GMIP: variants seen among roughly 807,000 people sequenced by gnomAD.
GMIP encodes GEM interacting protein.
In GMIP, 54 loss-of-function variants were observed where a neutral mutation model predicts 105.3. That is an observed-to-expected ratio of 0.51 (90% CI 0.41 to 0.64). The LOEUF (loss-of-function observed/expected upper bound fraction) is 0.64, where lower values mean the gene tolerates loss of function less well. GMIP is among the 30% of genes least tolerant of loss of function. The probability of loss-of-function intolerance (pLI) is 0.00; values close to 1 mark genes in which losing one functional copy is unlikely to be tolerated. For missense variants in GMIP, 1,110 were observed against 1,319.4 expected (o/e 0.84, Z 2.46); for synonymous variants, 541 against 560.8 (o/e 0.96, Z 0.50).
At chr19:19,639,193 C>T (rs2144866042) in intron 7 of GMIP, among the ~76,000 whole-genome samples, 1 of 152,154 alleles carries the variant, frequency 6.6e-6, no homozygotes, top group East Asian at 1.9e-4. Flanking sequence ...CCCTCAGCCT[C>T]CTAGTAGCTA....
At chr19:19,638,778 C>CTT (rs554304896) in intron 7 of GMIP, among the ~76,000 whole-genome samples, 12 of 132,288 alleles carry the variant, frequency 9.1e-5, no homozygotes, top group South Asian at 2.4e-4. Flanking sequence ...ACAATTTCTT[C>CTT]TTTTTTTTTT....
rs757223620 is a variant in GMIP, at chr19:19,634,500, T to C, written c.2084+7A>G. On this transcript the variant is annotated splice_region_variant and intron_variant, in intron 18 of 20. Transcript: ENST00000203556. This position sits in a 1 kb window ranked among gnomAD's most constrained non-coding sequence, Gnocchi z 6.1. ...TCGCGTTTCAAGGCTCAGGGACCCA[T>C]GCACACCTGAACAGATGGGCCACCA... is the stretch of plus-strand genomic sequence containing the variant. The C allele has an allele frequency of 2.5e-6, 4 of 1,602,830 alleles. No homozygotes were observed. Among genetic ancestry groups the C allele is most frequent in the South Asian group, 2.2e-5 (2 of 89,596 alleles).
rs779757393 is a variant in GMIP, at chr19:19,630,289, C to T, written c.2587G>A (p.Gly863Ser). ...TTCACTGGCTGGCGGCTGAAGTGGC[C>T]ACGAGACTGTGTCCCCAGGAGTGAG... ...EDSLLGTQSR[G>S]HFSRQPVKYP... The change falls in exon 21 of 21, where the codon GGC (glycine) becomes AGC (serine). Residue 863 changes from glycine (G) to serine (S), a missense_variant. Around this residue, in one of 3 missense-constraint regions of GMIP, gnomAD observed 394 missense variants for 450.5 expected, o/e 0.87. Coordinates refer to ENST00000203556, the MANE Select transcript of GMIP (RefSeq NM_016573.4). This position sits in a 1 kb window ranked among gnomAD's most constrained non-coding sequence, Gnocchi z 4.8. 12 of 1,546,252 alleles carry T rather than the reference C, an allele frequency of 7.8e-6. No individual in the cohort carries two copies. The highest frequency in any genetic ancestry group is 1.0e-5 in the Non-Finnish European group (12 of 1,144,438).
chr19:19,636,203 C>CAA (rs771568731), intron 13 of GMIP, among the ~76,000 whole-genome samples: 5 of 100,284 alleles, frequency 5.0e-5, no homozygotes, highest in African/African-American at 7.7e-5. Context: ...GACTCTGTCT[C>CAA]AAAAAAAAAA....
chr19:19,638,464 T>G lies in GMIP; in HGVS notation c.556A>C (p.Thr186Pro). The G allele has an allele frequency of 6.2e-7, 1 of 1,614,068 alleles. No homozygotes were observed. The highest frequency in any genetic ancestry group is 8.5e-7 in the Non-Finnish European group (1 of 1,180,008). ...DYYQPLAAKR[T>P]EIEKWRKEFK... Reference sequence around the variant, plus strand: ...TCCTTCCGCCACTTCTCAATCTCAGTCCGTTTGGCGGCGAGGGGCTGGCAA... The same window carrying G: ...TCCTTCCGCCACTTCTCAATCTCAGGCCGTTTGGCGGCGAGGGGCTGGCAA... Residue 186 changes from threonine (T) to proline (P), a missense_variant, in exon 8 of 21, where the codon ACT (threonine) becomes CCT (proline). Transcript: ENST00000203556.
Position 19,634,100 on chromosome 19 carries a change from C to A in GMIP, c.2175G>T (p.Pro725=), listed in dbSNP as rs45521232. Residue 725 remains proline (P), a synonymous_variant, in exon 19 of 21, where the codon CCG becomes CCT. Transcript: ENST00000203556. The surrounding 1 kb of genome is among the most constrained non-coding windows in gnomAD (Gnocchi z 6.1). ...GPTLLRPPDG[P]RAASAIPVTC... ...TGACAGGGATGGCGCTGGCTGCCCG[C>A]GGGCCGTCCGGCGGCCGCAGCAGTG... is the stretch of plus-strand genomic sequence containing the variant. 0.018 allele frequency: 28,504 copies of A among 1,612,870 alleles called. 315 individuals carry two copies. Among genetic ancestry groups the A allele is most frequent in the Non-Finnish European group, 0.021 (25,136 of 1,179,708 alleles).
chr19:19,642,449 T>A, intron 2 of GMIP, 86 bp downstream of exon 2: 1 of 795,412 alleles, frequency 1.3e-6, no homozygotes, highest in Non-Finnish European at 2.2e-6. Context: ...ATGTTACAGG[T>A]TCCAAATGGG....
Position 19,640,458 on chromosome 19 carries a change from T to C in GMIP, c.352A>G (p.Arg118Gly). The change falls in exon 5 of 21, where the codon AGA becomes GGA. Residue 118 changes from arginine (R) to glycine (G), a missense_variant. Arg to Gly is a moderately radical substitution (Grantham distance 125). This residue lies in a region of GMIP where 667 missense variants were observed against 773.2 expected (regional missense o/e 0.86). Transcript: ENST00000203556. ...AKELLAWTEKRASYELEFAKS... is the reference protein window; with the variant it reads ...AKELLAWTEKGASYELEFAKS... ...AAGAGGTCCTCACCATAGCTGGCTC[T>C]CTTTTCAGTCCAGGCAAGCAGTTCC... The C allele has an allele frequency of 6.2e-7, 1 of 1,614,160 alleles. No homozygotes were observed. The highest frequency in any genetic ancestry group is 8.5e-7 in the Non-Finnish European group (1 of 1,180,034).
Position 19,635,330 on chromosome 19 carries a change from A to C in GMIP, c.1560+85T>G, listed in dbSNP as rs2061842168. 1 of 1,552,214 alleles carries C rather than the reference A, an allele frequency of 6.4e-7. No individual in the cohort carries two copies. Among genetic ancestry groups the C allele is most frequent in the Admixed American group, 1.7e-5 (1 of 57,338 alleles). ...GAGACATCAGGTTAGGGTGGGTCCC[A>C]GGGGCAGAAAGGCTGTAGGAATCTC... On this transcript the variant is annotated intron_variant, in intron 15 of 20. Transcript: ENST00000203556. The surrounding 1 kb of genome is among the most constrained non-coding windows in gnomAD (Gnocchi z 4.7).
In GMIP at chr19:19,630,065, G is replaced by C. The variant is rs1461199077; in HGVS notation, c.2811C>G (p.Thr937=). The C allele has an allele frequency of 6.2e-7, 1 of 1,610,376 alleles. No individual in the cohort carries two copies. Among genetic ancestry groups the C allele is most frequent in the African/African-American group, 1.3e-5 (1 of 75,006 alleles). ...RTPLPKHFEI[T]QETARLLSKL... is the part of the protein sequence containing the mutation. ...TCGAGAGTAGCCGGGCTGTCTCCTG[G>C]GTAATCTCAAAATGCTTGGGCAGCG... Residue 937 remains threonine, a synonymous_variant, in exon 21 of 21, where the codon ACC becomes ACG. Transcript: ENST00000203556. This position sits in a 1 kb window ranked among gnomAD's most constrained non-coding sequence, Gnocchi z 4.8.
In GMIP at chr19:19,643,571, T is replaced by C; in HGVS notation, c.-42A>G. 1 of 1,515,088 alleles carries C rather than the reference T, an allele frequency of 6.6e-7. No individual in the cohort carries two copies. Among genetic ancestry groups the C allele is most frequent in the African/African-American group, 1.4e-5 (1 of 70,040 alleles). The allele number at this position is 1,515,088 out of a possible 1,614,324, so 93.9% of individuals were successfully genotyped here. On this transcript the variant is annotated 5_prime_UTR_variant, in exon 1 of 21. Coordinates refer to ENST00000203556, the MANE Select transcript of GMIP (RefSeq NM_016573.4). ...CGCTCTGCAGGGACCGGGATGGGGATGGGGTCGCGCGCCGGCGGGGCCGAG... is the reference window on the plus strand; with the variant it reads ...CGCTCTGCAGGGACCGGGATGGGGACGGGGTCGCGCGCCGGCGGGGCCGAG...
At chr19:19,636,158 C>T (rs1338957468) in intron 13 of GMIP, among the ~76,000 whole-genome samples, 3 of 149,056 alleles carry the variant, frequency 2.0e-5, no homozygotes, top group Admixed American at 6.8e-5. Flanking sequence ...GAGCCAAGAT[C>T]GTACCACTGC....
rs2061842349 is a variant in GMIP at position 19,635,349 on chromosome 19, G to A, written c.1560+66C>T. ...GGTCCCAGGGGCAGAAAGGCTGTAG[G>A]AATCTCAGGTCAGGGAGATGATCAA... On this transcript the variant is annotated intron_variant, in intron 15 of 20. Transcript: ENST00000203556. This position sits in a 1 kb window ranked among gnomAD's most constrained non-coding sequence, Gnocchi z 4.7. 6.4e-7 allele frequency: 1 copy of A among 1,570,242 alleles called. No individual in the cohort carries two copies.
rs201055788 is a variant in GMIP at position 19,636,744 on chromosome 19, G to T, written c.1290C>A (p.Ser430Arg). The change falls in exon 13 of 21, where the codon AGC becomes AGA. Residue 430 changes from serine (S) to arginine (R), a missense_variant. Physicochemically the swap from Ser to Arg is moderately radical, Grantham distance 110 (BLOSUM62 -1). Coordinates refer to ENST00000203556, the MANE Select transcript of GMIP (RefSeq NM_016573.4). Reference protein sequence around the residue: ...GSDVDSVGGGSESRSLDSPTS... With the variant: ...GSDVDSVGGGRESRSLDSPTS... ...TGGGTGAGTCCAGGGACCGAGACTCGCTGCCGCCACCCACGCTGTCCACAT... is the reference window on the plus strand; with the variant it reads ...TGGGTGAGTCCAGGGACCGAGACTCTCTGCCGCCACCCACGCTGTCCACAT... 4 of 1,613,526 alleles carry T rather than the reference G, an allele frequency of 2.5e-6. No individual in the cohort carries two copies. Among genetic ancestry groups the T allele is most frequent in the Non-Finnish European group, 3.4e-6 (4 of 1,179,798 alleles).
Position 19,634,830 on chromosome 19 carries a change from G to A in GMIP, c.1849C>T (p.His617Tyr). ...ALVELSGNSP[H>Y]DVSSVLKRFL... ...CGCTTGAGGACACTCGAGACGTCATGAGGCGAGTTCCCCGACAGCTCCACC... is the reference window on the plus strand; with the variant it reads ...CGCTTGAGGACACTCGAGACGTCATAAGGCGAGTTCCCCGACAGCTCCACC... The change falls in exon 17 of 21, where the codon CAT becomes TAT. Residue 617 changes from histidine to tyrosine, a missense_variant. By Grantham distance (83) the His-to-Tyr change is moderately conservative. This residue lies in a region of GMIP where 49 missense variants were observed against 95.6 expected (regional missense o/e 0.51). Coordinates refer to ENST00000203556, the MANE Select transcript of GMIP (RefSeq NM_016573.4). This position sits in a 1 kb window ranked among gnomAD's most constrained non-coding sequence, Gnocchi z 6.1. 3 of 1,613,862 alleles carry A rather than the reference G, an allele frequency of 1.9e-6. No individual in the cohort carries two copies. The highest frequency in any genetic ancestry group is 1.7e-6 in the Non-Finnish European group (2 of 1,180,028).
At position 19,629,728 on chromosome 19, in the gene GMIP, C is replaced by T; in HGVS notation, c.*235G>A. The T allele has an allele frequency of 1.8e-6, 1 of 560,322 alleles. No individual in the cohort carries two copies. The highest frequency in any genetic ancestry group is 1.9e-5 in the African/African-American group (1 of 52,494). 34.7% of individuals were successfully genotyped at this position (560,322 alleles called of 1,614,324 possible). A position where few individuals can be genotyped will look rare whatever the true frequency, so the allele number is the denominator to read the frequency against. ...GAGTGACCTCTGAGCCCGAGTGGCC[C>T]TGATGCTTGGCAGTGACCTGTGTCT... On this transcript the variant is annotated 3_prime_UTR_variant, in exon 21 of 21. Transcript: ENST00000203556.
chr19:19,637,517 A>T lies in GMIP; in HGVS notation c.972T>A (p.Arg324=). The part of the protein sequence containing the change: ...LFGLRGAQAE[R]GPRAFAALAE... ...CCAGGGCGGCGAAGGCGCGGGGGCCACGCTCTGCCTGCGCCCCCCGCAGCC... is the reference window on the plus strand; with the variant it reads ...CCAGGGCGGCGAAGGCGCGGGGGCCTCGCTCTGCCTGCGCCCCCCGCAGCC... Residue 324 remains arginine (R), a synonymous_variant, in exon 11 of 21, where the codon CGT becomes CGA. Coordinates refer to ENST00000203556, the MANE Select transcript of GMIP (RefSeq NM_016573.4). The surrounding 1 kb of genome is among the most constrained non-coding windows in gnomAD (Gnocchi z 6.7). The T allele has an allele frequency of 6.5e-7, 1 of 1,537,726 alleles. No homozygotes were observed. The highest frequency in any genetic ancestry group is 2.5e-5 in the East Asian group (1 of 40,212).
chr19:19,642,634 T>G lies in GMIP; in HGVS notation c.20-15A>C. 1 of 1,421,280 alleles carries G rather than the reference T, an allele frequency of 7.0e-7. No individual in the cohort carries two copies. Among genetic ancestry groups the G allele is most frequent in the Non-Finnish European group, 9.9e-7 (1 of 1,013,022 alleles). The allele number at this position is 1,421,280 out of a possible 1,614,324, so 88.0% of individuals were successfully genotyped here. A position where few individuals can be genotyped will look rare whatever the true frequency, so the allele number is the denominator to read the frequency against. Reference sequence around the variant, plus strand: ...TGGGGGGAGTCCTAGGGGAGGGGAGTGTAATACATGGGCTAACCACTGCCT... The same window carrying G: ...TGGGGGGAGTCCTAGGGGAGGGGAGGGTAATACATGGGCTAACCACTGCCT... On this transcript the variant is annotated splice_polypyrimidine_tract_variant and intron_variant, in intron 1 of 20. Coordinates refer to ENST00000203556, the MANE Select transcript of GMIP (RefSeq NM_016573.4).
chr19:19,643,499 C>G lies in GMIP; in HGVS notation c.19+12G>C. 6.5e-7 allele frequency: 1 copy of G among 1,546,814 alleles called. No homozygotes were observed. Among genetic ancestry groups the G allele is most frequent in the South Asian group, 1.2e-5 (1 of 83,708 alleles). On this transcript the variant is annotated intron_variant, in intron 1 of 20. Coordinates refer to ENST00000203556, the MANE Select transcript of GMIP (RefSeq NM_016573.4). ...GTCGGGGGAGGCCCCTCCCGGATCC[C>G]CGACCCCCTACCCGGCTCTGCTGCG... is the stretch of plus-strand genomic sequence containing the variant.
Sources: allele counts gnomAD v4.1 joint callset (sites outside exome capture counted in the v4.1 genomes callset), GRCh38; gene constraint gnomAD v4.1.1; regional missense constraint gnomAD v4.1.1; non-coding constraint Gnocchi (gnomAD v3.1); transcripts MANE v1.5; gene names NCBI Gene and HGNC (gene_info 2026-07-23, HGNC 2026-07-21).